The following NKAIN2 variants were observed in gnomAD, a reference collection of about 807,000 sequenced individuals.
NKAIN2 encodes sodium/potassium-transporting ATPase subunit beta-1-interacting protein 2.
A neutral mutation model predicts 32.6 loss-of-function variants in NKAIN2; 14 were observed. The ratio of observed to expected loss-of-function variants is 0.43; its 90% CI spans 0.28 to 0.67. The LOEUF is 0.67. NKAIN2 is among the 30% of genes least tolerant of loss of function. The probability of loss-of-function intolerance (pLI) is 0.17; values close to 1 mark genes in which losing one functional copy is unlikely to be tolerated. For missense variants in NKAIN2, 198 were observed against 258.3 expected, an observed-to-expected ratio of 0.77 and a Z score of 1.60; for synonymous variants, 80 against 87.2, an observed-to-expected ratio of 0.92 and a Z score of 0.46.
Position 124,174,763 on chromosome 6 carries a change from A to G in NKAIN2, c.55-108242A>G, listed in dbSNP as rs533660023. Among the ~76,000 whole-genome samples, 5 of 152,266 alleles carry G rather than the reference A, an allele frequency of 3.3e-5. No individual in the cohort carries two copies. The South Asian group carries it at 8.3e-4, about 25-fold the overall frequency. ...ATGTAGTCATATGACCAAACCAACT[A>G]ATGAAAGAAAAGCAGGGAAATGTAG... On this transcript the variant is annotated intron_variant, in intron 1 of 6. Coordinates refer to ENST00000368417, the MANE Select transcript of NKAIN2 (RefSeq NM_001040214.3).
chr6:124,684,680 T>C (rs1773778915), intron 4 of NKAIN2, among the ~76,000 whole-genome samples: 1 of 151,934 alleles, frequency 6.6e-6, no homozygotes, highest in Non-Finnish European at 1.5e-5. Flanking sequence ...TGACACAGAG[T>C]CTTTACACAA....
intron 1 of NKAIN2, among the ~76,000 whole-genome samples, chr6:123,861,299 A>T (rs890445164): frequency 6.6e-6 from 1 of 152,230 alleles, no homozygotes; most frequent in Non-Finnish European, 1.5e-5. Context: ...CATATTTTAG[A>T]GGTCAGAAGC....
intron 1 of NKAIN2, among the ~76,000 whole-genome samples, chr6:123,974,182 A>G (rs1778454445): frequency 6.6e-6 from 1 of 152,192 alleles, no homozygotes; most frequent in Admixed American, 6.6e-5. Context: ...AGGATGCACA[A>G]GAAACAGTTT....
chr6:124,313,707 A>G (rs1031555210), intron 2 of NKAIN2, among the ~76,000 whole-genome samples: 11 of 152,030 alleles, frequency 7.2e-5, no homozygotes, highest in Admixed American at 7.2e-4. Flanking sequence ...AATTTCTCCA[A>G]TTGTACACTC....
intron 3 of NKAIN2, among the ~76,000 whole-genome samples, chr6:124,604,878 G>A (rs903397948): frequency 1.3e-5 from 2 of 151,982 alleles, no homozygotes; most frequent in African/African-American, 2.4e-5. Flanking sequence ...CGTAAGACTT[G>A]AGGGCAAGAT....
chr6:124,284,860 T>A (rs1265352751), intron 2 of NKAIN2, among the ~76,000 whole-genome samples: 1 of 152,090 alleles, frequency 6.6e-6, no homozygotes, highest in Admixed American at 6.6e-5. Flanking sequence ...GTGTTCTAGA[T>A]GTTGGATGAA....
At chr6:123,930,264 G>C (rs1404855287) in intron 1 of NKAIN2, among the ~76,000 whole-genome samples, 1 of 152,096 alleles carries the variant, frequency 6.6e-6, no homozygotes, top group Non-Finnish European at 1.5e-5. Context: ...TCCATTTTCA[G>C]CTAGAGTTGT....
At chr6:124,227,427 G>A (rs934123017) in intron 1 of NKAIN2, among the ~76,000 whole-genome samples, 24 of 152,110 alleles carry the variant, frequency 1.6e-4, no homozygotes, top group African/African-American at 5.8e-4. Context: ...AATTCTCTAA[G>A]GATTCAGTCC....
At position 124,629,161 on chromosome 6, in the gene NKAIN2, AGAGT is replaced by A. The variant is rs1448764768; in HGVS notation, c.274-29021_274-29018del. ...TCTTTCTCATCTCTGAAAAACCTGA[AGAGT>A]GAGAAATAAGTACCTTTTCATTTCC... On this transcript the variant is annotated intron_variant, in intron 3 of 6. Transcript: ENST00000368417. Among the ~76,000 whole-genome samples, 4 of 152,332 alleles carry A rather than the reference AGAGT, an allele frequency of 2.6e-5. No individual in the cohort carries two copies. The South Asian group carries it at 8.3e-4, about 32-fold the overall frequency.
chr6:124,599,696 T>C (rs530429578), intron 3 of NKAIN2, among the ~76,000 whole-genome samples: 1 of 152,118 alleles, frequency 6.6e-6, no homozygotes, highest in Non-Finnish European at 1.5e-5. Context: ...GTGAATATCA[T>C]TGAATGGCTA....
At chr6:124,351,257 T>C (rs1048906135) in intron 2 of NKAIN2, among the ~76,000 whole-genome samples, 3 of 152,060 alleles carry the variant, frequency 2.0e-5, no homozygotes, top group African/African-American at 7.2e-5. Context: ...TTTATATCAG[T>C]TAATATGAGA....
At chr6:124,418,879 A>T (rs1336160276) in intron 3 of NKAIN2, among the ~76,000 whole-genome samples, 1 of 151,990 alleles carries the variant, frequency 6.6e-6, no homozygotes, top group Non-Finnish European at 1.5e-5. Flanking sequence ...GCATATGCGA[A>T]TGATTCTCAT....
chr6:124,708,748 T>G (rs1004327728), intron 4 of NKAIN2, among the ~76,000 whole-genome samples: 1 of 152,000 alleles, frequency 6.6e-6, no homozygotes, highest in African/African-American at 2.4e-5. Flanking sequence ...GCTGAGACAA[T>G]GGGGTTTTCT....
At chr6:124,706,505 C>A (rs908460945) in intron 4 of NKAIN2, among the ~76,000 whole-genome samples, 21 of 150,990 alleles carry the variant, frequency 1.4e-4, no homozygotes, top group Non-Finnish European at 2.7e-4. Context: ...TCAAAAAAAA[C>A]AAAAAAAAGA....
intron 5 of NKAIN2, among the ~76,000 whole-genome samples, chr6:124,806,976 C>A (rs1780598682): frequency 6.6e-6 from 1 of 152,106 alleles, no homozygotes; most frequent in Admixed American, 6.5e-5. Flanking sequence ...CAGGAGGACC[C>A]AGATTCATAA....
intron 3 of NKAIN2, among the ~76,000 whole-genome samples, chr6:124,412,001 G>T (rs971798532): frequency 1.2e-4 from 19 of 152,110 alleles, no homozygotes; most frequent in Admixed American, 3.3e-4. Flanking sequence ...CATTCATCAC[G>T]TGGTTCTCGT....
chr6:124,504,774 G>A (rs1778413208), intron 3 of NKAIN2, among the ~76,000 whole-genome samples: 1 of 152,194 alleles, frequency 6.6e-6, no homozygotes, highest in African/African-American at 2.4e-5. Context: ...AGAAAAGTTT[G>A]AAAGCCGGTG....
chr6:123,920,067 A>AT (rs1043845162), intron 1 of NKAIN2, among the ~76,000 whole-genome samples: 46 of 151,882 alleles, frequency 3.0e-4, no homozygotes, highest in African/African-American at 3.1e-4. Context: ...TCAGTTATTG[A>AT]TTTTTTTTCA....
At chr6:124,157,098 G>A in intron 1 of NKAIN2, among the ~76,000 whole-genome samples, 1 of 45,644 alleles carries the variant, frequency 2.2e-5, no homozygotes, top group Non-Finnish European at 3.7e-5. Flanking sequence ...GTGAGACTCT[G>A]TCTCAAAAAA....
Sources: allele counts gnomAD v4.1 joint callset (sites outside exome capture counted in the v4.1 genomes callset), GRCh38; gene constraint gnomAD v4.1.1; transcripts MANE v1.5; gene names NCBI Gene and HGNC (gene_info 2026-07-23, HGNC 2026-07-21).